ZNF654: variants seen among roughly 807,000 people sequenced by gnomAD.
ZNF654 encodes zinc finger protein 654.
In ZNF654, 19 loss-of-function variants were observed where a neutral mutation model predicts 95.3. The ratio of observed to expected loss-of-function variants is 0.20; its 90% CI spans 0.14 to 0.29. The LOEUF is 0.29. Ranked by LOEUF, ZNF654 falls within the 10% of genes least tolerant of loss-of-function variation. ZNF654 has a pLI of 1.00. For synonymous variants in ZNF654, 413 were observed against 457.9 expected, an observed-to-expected ratio of 0.90 and a Z score of 1.25; for missense variants, 1,046 against 1,341.0, an observed-to-expected ratio of 0.78 and a Z score of 3.44.
chr3:88,104,371 C>T (rs538083700), intron 2 of ZNF654, among the ~76,000 whole-genome samples: 26 of 152,098 alleles, frequency 1.7e-4, no homozygotes, highest in Non-Finnish European at 2.6e-4. Flanking sequence ...ACTCATGGAC[C>T]GTAGTGTCTC....
intron 1 of ZNF654, among the ~76,000 whole-genome samples, chr3:88,065,797 G>A (rs1707162682): frequency 6.6e-6 from 1 of 152,062 alleles, no homozygotes; most frequent in African/African-American, 2.4e-5. Flanking sequence ...TGCCATCTAG[G>A]CTCACTGCAA....
chr3:88,119,486 A>G (rs1705638675), intron 3 of ZNF654, among the ~76,000 whole-genome samples: 1 of 150,538 alleles, frequency 6.6e-6, no homozygotes, highest in Non-Finnish European at 1.5e-5. Context: ...GCACATGTAT[A>G]CATATGTAAC....
In ZNF654 at chr3:88,137,194, C is replaced by CAAA. The variant is rs11401199; in HGVS notation, c.1036-1489_1036-1487dup. 7.0e-3 allele frequency among the ~76,000 whole-genome samples: 486 copies of CAAA among 69,926 alleles called. 16 individuals are homozygous for CAAA. The highest frequency in any genetic ancestry group is 0.012 in the African/African-American group (182 of 15,422). 45.9% of individuals were successfully genotyped at this position (69,926 alleles called of 152,430 possible). ...TGGGTGACAGTGCGAGACTCTGTCT[C>CAAA]AAAAAAAAAAAAAAAAAAAAAAAAG... On this transcript the variant is annotated intron_variant, in intron 7 of 8. Coordinates refer to ENST00000636215, the MANE Select transcript of ZNF654 (RefSeq NM_001350134.2).
At chr3:88,069,378 C>T (rs753722159) in intron 1 of ZNF654, among the ~76,000 whole-genome samples, 26 of 152,144 alleles carry the variant, frequency 1.7e-4, no homozygotes, top group Middle Eastern at 3.4e-3. Context: ...GTCTAGATGG[C>T]GCCGCTGCAC....
At chr3:88,117,928 A>G (rs1278329740) in intron 3 of ZNF654, among the ~76,000 whole-genome samples, 1 of 127,202 alleles carries the variant, frequency 7.9e-6, no homozygotes, top group Non-Finnish European at 1.7e-5. Flanking sequence ...TACCAGTACT[A>G]TTGCCCAATA....
intron 2 of ZNF654, among the ~76,000 whole-genome samples, chr3:88,095,145 C>A (rs1254787186): frequency 2.6e-5 from 4 of 152,012 alleles, no homozygotes; most frequent in Non-Finnish European, 5.9e-5. Context: ...AAGGTTTTCC[C>A]TTTATAAGAA....
At chr3:88,125,688 A>G (rs964218373) in intron 3 of ZNF654, among the ~76,000 whole-genome samples, 4 of 152,176 alleles carry the variant, frequency 2.6e-5, no homozygotes, top group African/African-American at 7.2e-5. Flanking sequence ...ACTTTTGTCT[A>G]CCTGCCAGCC....
intron 2 of ZNF654, among the ~76,000 whole-genome samples, chr3:88,088,964 G>A (rs1360811933): frequency 5.3e-5 from 8 of 151,718 alleles, no homozygotes; most frequent in African/African-American, 1.5e-4. Context: ...GTAGAGATGG[G>A]ATTTCACCAT....
chr3:88,076,331 A>T (rs1321780413), intron 1 of ZNF654, among the ~76,000 whole-genome samples: 4 of 152,200 alleles, frequency 2.6e-5, no homozygotes, highest in Non-Finnish European at 5.9e-5. Flanking sequence ...GTACTTTTGT[A>T]ACCAGTCACC....
At chr3:88,114,699 T>C (rs1453577659) in intron 3 of ZNF654, among the ~76,000 whole-genome samples, 1 of 152,194 alleles carries the variant, frequency 6.6e-6, no homozygotes, top group Non-Finnish European at 1.5e-5. Flanking sequence ...CACCTTTTGC[T>C]GTCATGTTAT....
intron 6 of ZNF654, among the ~76,000 whole-genome samples, chr3:88,130,475 A>T (rs1706382346): frequency 6.6e-6 from 1 of 152,026 alleles, no homozygotes; most frequent in East Asian, 1.9e-4. Context: ...TTTTGGAGAC[A>T]GGGTTTCACT....
intron 2 of ZNF654, among the ~76,000 whole-genome samples, chr3:88,089,307 T>C (rs1426861786): frequency 7.4e-5 from 11 of 149,556 alleles, no homozygotes; most frequent in African/African-American, 2.7e-4. Context: ...CTAGCCAACA[T>C]GGTGAAACCC....
In ZNF654 at chr3:88,138,952, G is replaced by A; in HGVS notation, c.1283G>A (p.Ser428Asn). 8.0e-7 allele frequency: 1 copy of A among 1,243,696 alleles called. No homozygotes were observed. The allele number at this position is 1,243,696 out of a possible 1,614,324, so 77.0% of individuals were successfully genotyped here. A position where few individuals can be genotyped will look rare whatever the true frequency, so the allele number is the denominator to read the frequency against. ...PDEEYNEGTSSVQNRVRFELL... is the reference protein window; with the variant it reads ...PDEEYNEGTSNVQNRVRFELL... ...GAAGAATATAATGAAGGCACAAGTA[G>A]TGTTCAAAATCGTGTTCGTTTTGAA... Residue 428 changes from serine (S) to asparagine (N), a missense_variant, in exon 8 of 9, where the codon AGT becomes AAT. Physicochemically the swap from Ser to Asn is conservative, Grantham distance 46 (BLOSUM62 1). This residue lies in a region of ZNF654 where 78 missense variants were observed against 154.2 expected (regional missense o/e 0.51). Transcript: ENST00000636215.
At chr3:88,097,857 C>T (rs1394570277) in intron 2 of ZNF654, among the ~76,000 whole-genome samples, 1 of 152,074 alleles carries the variant, frequency 6.6e-6, no homozygotes, top group Non-Finnish European at 1.5e-5. Flanking sequence ...ATTTATAGCA[C>T]TAAATGCCCA....
intron 1 of ZNF654, among the ~76,000 whole-genome samples, chr3:88,061,948 A>G (rs1402510281): frequency 6.6e-6 from 1 of 152,156 alleles, no homozygotes; most frequent in South Asian, 2.1e-4. Context: ...CTCTTTTTAG[A>G]GGGAAATATG....
In ZNF654 at chr3:88,077,493, CG is replaced by C. The variant is rs554837084; in HGVS notation, c.187-8762del. 4.0e-3 allele frequency among the ~76,000 whole-genome samples: 400 copies of C among 99,068 alleles called. 1 individual carries two copies. The highest frequency in any genetic ancestry group is 0.012 in the African/African-American group (390 of 31,868). 65.0% of individuals were successfully genotyped at this position (99,068 alleles called of 152,430 possible). ...GACTACAGACGCCTGCCACCACGCC[CG>C]GCTAATTTTTTGTGATTTTTTTAGT... On this transcript the variant is annotated intron_variant, in intron 1 of 8. Coordinates refer to ENST00000636215, the MANE Select transcript of ZNF654 (RefSeq NM_001350134.2).
chr3:88,138,580 A>G (rs1706943629), intron 7 of ZNF654, 125 bp from the exon 8 acceptor site: 2 of 508,904 alleles, frequency 3.9e-6, no homozygotes, highest in Non-Finnish European at 6.1e-6. Flanking sequence ...AAATATGGAA[A>G]ATTGGACATT....
rs534572711 is a variant in ZNF654 at position 88,059,492 on chromosome 3, G to A, written c.173G>A (p.Arg58Gln). ...GGAATCAGCAGTCGGGATTACTGCC[G>A]ACGCTTCTGTCAGGTGAGGCGTCCG... ...GVGISSRDYC[R>Q]RFCQVVEDYA... The change falls in exon 1 of 9, where the codon CGA becomes CAA. Residue 58 changes from arginine to glutamine, a missense_variant. Coordinates refer to ENST00000636215, the MANE Select transcript of ZNF654 (RefSeq NM_001350134.2). 4.7e-6 allele frequency: 7 copies of A among 1,496,924 alleles called. No individual in the cohort carries two copies. In the African/African-American group the frequency reaches 8.4e-5, roughly 18 times the overall value. The allele number at this position is 1,496,924 out of a possible 1,614,324, so 92.7% of individuals were successfully genotyped here.
In ZNF654 at chr3:88,135,051, TCA is replaced by T; in HGVS notation, c.894-9_894-8del. 1 of 1,378,758 alleles carries T rather than the reference TCA, an allele frequency of 7.3e-7. No individual in the cohort carries two copies. Among genetic ancestry groups the T allele is most frequent in the Admixed American group, 3.5e-5 (1 of 28,244 alleles). The allele number at this position is 1,378,758 out of a possible 1,614,324, so 85.4% of individuals were successfully genotyped here. ...TATTTTTGATAATTCTCTTTTTTTC[TCA>T]TTTACAGGGAGTTGATTTTCATATG... On this transcript the variant is annotated splice_polypyrimidine_tract_variant and splice_region_variant and intron_variant, in intron 6 of 8. Coordinates refer to ENST00000636215, the MANE Select transcript of ZNF654 (RefSeq NM_001350134.2).
Sources: allele counts gnomAD v4.1 joint callset (sites outside exome capture counted in the v4.1 genomes callset), GRCh38; gene constraint gnomAD v4.1.1; regional missense constraint gnomAD v4.1.1; transcripts MANE v1.5; gene names NCBI Gene and HGNC (gene_info 2026-07-23, HGNC 2026-07-21).